Variants in NRXN3 observed in about 807,000 individuals in gnomAD.
NRXN3 encodes the protein neurexin III.
Under a neutral mutation model 137.6 loss-of-function variants are expected in NRXN3, and 32 were observed. The ratio of observed to expected loss-of-function variants is 0.23; its 90% CI spans 0.18 to 0.31. The LOEUF (loss-of-function observed/expected upper bound fraction) is 0.31. NRXN3 is among the 10% of genes least tolerant of loss of function. The probability of loss-of-function intolerance (pLI) is 1.00; values close to 1 mark genes in which losing one functional copy is unlikely to be tolerated. For synonymous variants in NRXN3, 798 were observed against 784.5 expected (o/e 1.02, Z -0.29); for missense variants, 1,574 against 2,062.5 (o/e 0.76, Z 4.59).
At chr14:78,738,598 T>G (rs905683142) in intron 8 of NRXN3, among the ~76,000 whole-genome samples, 1 of 152,200 alleles carries the variant, frequency 6.6e-6, no homozygotes, top group Non-Finnish European at 1.5e-5. Flanking sequence ...ATGCTGTTTG[T>G]TGCACTGGCC....
intron 10 of NRXN3, among the ~76,000 whole-genome samples, chr14:78,912,163 A>G (rs1439508730): frequency 2.0e-5 from 3 of 151,152 alleles, no homozygotes; most frequent in Non-Finnish European, 4.4e-5. Context: ...GAGTGAGAAC[A>G]TGTGGTGTTT....
chr14:79,138,493 T>G (rs545462127), intron 15 of NRXN3, among the ~76,000 whole-genome samples: 8 of 152,352 alleles, frequency 5.3e-5, no homozygotes, highest in Admixed American at 6.5e-5. Context: ...CTAGAATCAT[T>G]GAAAATAAGT....
intron 15 of NRXN3, among the ~76,000 whole-genome samples, chr14:79,199,082 G>A (rs1220770402): frequency 6.6e-6 from 1 of 151,732 alleles, no homozygotes; most frequent in African/African-American, 2.4e-5. Flanking sequence ...CAGGAGAATC[G>A]CTTGAACCCT....
chr14:79,852,233 CAACA>C (rs1568455601), intron 20 of NRXN3, among the ~76,000 whole-genome samples: 1 of 48,752 alleles, frequency 2.1e-5, no homozygotes, highest in African/African-American at 5.8e-5. Flanking sequence ...GTTCAACTCC[CAACA>C]CACACACACA....
chr14:79,753,797 A>G (rs1045433617), intron 19 of NRXN3, among the ~76,000 whole-genome samples: 6 of 152,008 alleles, frequency 3.9e-5, no homozygotes, highest in African/African-American at 1.4e-4. Context: ...TATGCCTAAC[A>G]CGATGTGAGA....
At chr14:78,437,724 A>C (rs1381447924) in intron 4 of NRXN3, among the ~76,000 whole-genome samples, 1 of 152,184 alleles carries the variant, frequency 6.6e-6, no homozygotes, top group Non-Finnish European at 1.5e-5. Flanking sequence ...GTGCTTGTTG[A>C]AAATATGATT....
At chr14:78,658,446 A>G (rs1235989669) in intron 6 of NRXN3, among the ~76,000 whole-genome samples, 1 of 152,174 alleles carries the variant, frequency 6.6e-6, no homozygotes, top group African/African-American at 2.4e-5. Flanking sequence ...GTTGTTATTT[A>G]TGTTATTAAT....
chr14:78,940,561 T>C (rs7142134), intron 10 of NRXN3, among the ~76,000 whole-genome samples: 24,570 of 152,178 alleles, frequency 0.16, 3,740 homozygotes, highest in East Asian at 0.45. Flanking sequence ...CAGTGTGTTA[T>C]AAATAAGCAG....
At chr14:79,296,271 C>T (rs886540050) in intron 15 of NRXN3, among the ~76,000 whole-genome samples, 3 of 151,966 alleles carry the variant, frequency 2.0e-5, no homozygotes, top group Admixed American at 1.3e-4. Flanking sequence ...TTTTAATGCA[C>T]GTTGTAGTGT....
chr14:78,262,423 T>A (rs1285559941), intron 2 of NRXN3, among the ~76,000 whole-genome samples: 4 of 152,088 alleles, frequency 2.6e-5, no homozygotes, highest in African/African-American at 9.7e-5. Flanking sequence ...GGGTAGAATG[T>A]CTATGTAAAG....
At chr14:79,063,572 A>T (rs1237455557) in intron 15 of NRXN3, among the ~76,000 whole-genome samples, 1 of 152,072 alleles carries the variant, frequency 6.6e-6, no homozygotes, top group East Asian at 1.9e-4. Flanking sequence ...TTTTATATTA[A>T]CAAAACCTTC....
chr14:78,399,525 T>C (rs2091847633), intron 4 of NRXN3, among the ~76,000 whole-genome samples: 1 of 152,224 alleles, frequency 6.6e-6, no homozygotes. Context: ...TCCTTAAAGC[T>C]CTCAGACTCA....
At chr14:79,127,390 A>G (rs1295992634) in intron 15 of NRXN3, among the ~76,000 whole-genome samples, 2 of 152,106 alleles carry the variant, frequency 1.3e-5, no homozygotes, top group African/African-American at 4.8e-5. Flanking sequence ...AGCTTTCTAC[A>G]TATGGCTAGC....
chr14:78,793,017 G>C (rs2098810385), intron 8 of NRXN3, among the ~76,000 whole-genome samples: 1 of 152,160 alleles, frequency 6.6e-6, no homozygotes, highest in South Asian at 2.1e-4. Context: ...TAATTGGATT[G>C]TTTGTAATTC....
intron 1 of NRXN3, among the ~76,000 whole-genome samples, chr14:78,203,010 T>A (rs1450003825): frequency 1.3e-5 from 2 of 152,146 alleles, no homozygotes; most frequent in Non-Finnish European, 2.9e-5. Context: ...CCTCTACTTC[T>A]CTGGCTGGGG....
chr14:79,224,331 C>G (rs1463196979), intron 15 of NRXN3, among the ~76,000 whole-genome samples: 1 of 152,046 alleles, frequency 6.6e-6, no homozygotes, highest in East Asian at 1.9e-4. Context: ...AATTGGATTA[C>G]CATTGTCAAT....
intron 16 of NRXN3, among the ~76,000 whole-genome samples, chr14:79,653,377 C>T (rs568693747): frequency 2.0e-5 from 3 of 152,244 alleles, no homozygotes; most frequent in East Asian, 1.9e-4. Flanking sequence ...GTGATGTGTG[C>T]TATCTTTTAG....
At chr14:79,280,244 C>T (rs754821515) in intron 15 of NRXN3, 1 of 1,608,204 alleles carries the variant, frequency 6.2e-7, no homozygotes, top group Non-Finnish European at 8.5e-7. Flanking sequence ...TTACTCCTCA[C>T]TGGCTGGAAT....
chr14:78,646,969 G>T (rs1354064925), intron 5 of NRXN3, among the ~76,000 whole-genome samples: 1 of 152,152 alleles, frequency 6.6e-6, no homozygotes, highest in African/African-American at 2.4e-5. Flanking sequence ...GTTTTGATTG[G>T]CAGGTACAAA....
Sources: allele counts gnomAD v4.1 joint callset (sites outside exome capture counted in the v4.1 genomes callset), GRCh38; gene constraint gnomAD v4.1.1; transcripts MANE v1.5; gene names NCBI Gene and HGNC (gene_info 2026-07-23, HGNC 2026-07-21).